NR1H4: variants seen among roughly 807,000 people sequenced by gnomAD.
NR1H4 encodes the protein bile acid receptor.
A neutral mutation model predicts 58.5 loss-of-function variants in NR1H4; 23 were observed. The observed-to-expected ratio is 0.39, with a 90% confidence interval of 0.28 to 0.56. The LOEUF is 0.56. NR1H4 is among the 20% of genes least tolerant of loss of function. NR1H4 has a pLI of 0.58. For synonymous variants in NR1H4, 214 were observed against 198.0 expected, an observed-to-expected ratio of 1.08 and a Z score of -0.68; for missense variants, 487 against 576.9, an observed-to-expected ratio of 0.84 and a Z score of 1.60.
intron 4 of NR1H4, chr12:100,525,093 G>A (rs1954523949): frequency 6.6e-6 from 1 of 152,182 alleles, no homozygotes; most frequent in African/African-American, 2.4e-5. Flanking sequence ...GAAACTTCTT[G>A]AGATATCTCC....
intron 1 of NR1H4, among the ~76,000 whole-genome samples, chr12:100,482,902 A>C (rs973138563): frequency 4.6e-5 from 7 of 151,998 alleles, no homozygotes; most frequent in African/African-American, 1.7e-4. Flanking sequence ...AAAGCTGTGG[A>C]TATCTAGTTG....
chr12:100,506,142 T>A (rs1953960326), intron 3 of NR1H4, among the ~76,000 whole-genome samples: 1 of 152,056 alleles, frequency 6.6e-6, no homozygotes, highest in Non-Finnish European at 1.5e-5. Flanking sequence ...GTGTTAATAA[T>A]TACTTATTAA....
intron 3 of NR1H4, among the ~76,000 whole-genome samples, chr12:100,494,401 A>G (rs1953667942): frequency 1.3e-5 from 2 of 152,232 alleles, no homozygotes; most frequent in African/African-American, 2.4e-5. Context: ...GGCAGTGACC[A>G]TATTTCATTA....
intron 8 of NR1H4, among the ~76,000 whole-genome samples, chr12:100,539,794 C>T (rs978704380): frequency 6.6e-6 from 1 of 152,076 alleles, no homozygotes; most frequent in Non-Finnish European, 1.5e-5. Flanking sequence ...AATATCATGT[C>T]GGGTGGTGAT....
chr12:100,535,165 A>C, intron 6 of NR1H4, 142 bp downstream of exon 6: 1 of 917,186 alleles, frequency 1.1e-6, no homozygotes, highest in South Asian at 1.4e-5. Context: ...TGGATTCCTA[A>C]TACATGCTTT....
At chr12:100,479,861 C>T (rs528383240) in intron 1 of NR1H4, among the ~76,000 whole-genome samples, 1 of 152,308 alleles carries the variant, frequency 6.6e-6, no homozygotes, top group East Asian at 1.9e-4. Flanking sequence ...TCTGCCTGAA[C>T]TTATTTTCCC....
intron 3 of NR1H4, chr12:100,499,800 T>C: frequency 2.2e-6 from 1 of 454,940 alleles, no homozygotes; most frequent in Non-Finnish European, 4.4e-6. Context: ...GAGTGCTTTA[T>C]AGAAATTAAT....
chr12:100,534,145 G>A (rs1476013210), intron 5 of NR1H4, among the ~76,000 whole-genome samples: 3 of 151,752 alleles, frequency 2.0e-5, no homozygotes, highest in Admixed American at 6.6e-5. Flanking sequence ...CACCCGCCTC[G>A]GCCTCCCAAA....
intron 2 of NR1H4, 41 bp from the exon 3 acceptor site, chr12:100,493,229 C>T (rs1953641090): frequency 2.8e-6 from 2 of 725,726 alleles, no homozygotes; most frequent in African/African-American, 3.5e-5. Context: ...ACCAACCCTT[C>T]CCGCATTCCC....
At chr12:100,486,772 C>G (rs1017918627) in intron 1 of NR1H4, among the ~76,000 whole-genome samples, 3 of 151,014 alleles carry the variant, frequency 2.0e-5, no homozygotes, top group African/African-American at 7.3e-5. Flanking sequence ...CACTATGAAC[C>G]AATGGGTGAG....
At chr12:100,518,462 T>G (rs955781908) in intron 4 of NR1H4, among the ~76,000 whole-genome samples, 1 of 152,172 alleles carries the variant, frequency 6.6e-6, no homozygotes, top group African/African-American at 2.4e-5. Flanking sequence ...ATTTTTCCAT[T>G]GATTTTGATT....
chr12:100,535,013 A>G lies in NR1H4; in HGVS notation c.722A>G (p.Lys241Arg). The change falls in exon 6 of 11, where the codon AAG becomes AGG. Residue 241 changes from lysine to arginine, a missense_variant. By Grantham distance (26) the Lys-to-Arg change is conservative. Transcript: ENST00000392986. The part of the protein sequence containing the change: ...RDLRQVTSTT[K>R]SCREKTELTP... Reference sequence around the variant, plus strand: ...TTGCGACAAGTGACCTCGACAACAAAGTCATGCAGGGTAATAATATGCAAT... The same window carrying G: ...TTGCGACAAGTGACCTCGACAACAAGGTCATGCAGGGTAATAATATGCAAT... 6.2e-7 allele frequency: 1 copy of G among 1,614,224 alleles called. No individual in the cohort carries two copies. The highest frequency in any genetic ancestry group is 8.5e-7 in the Non-Finnish European group (1 of 1,180,036).
intron 1 of NR1H4, among the ~76,000 whole-genome samples, chr12:100,480,001 T>C (rs1210350888): frequency 6.6e-6 from 1 of 152,262 alleles, no homozygotes; most frequent in East Asian, 1.9e-4. Context: ...TTTTACTTTC[T>C]TATTATCCTC....
At chr12:100,541,679 G>T (rs1457225475) in intron 9 of NR1H4, among the ~76,000 whole-genome samples, 2 of 150,966 alleles carry the variant, frequency 1.3e-5, no homozygotes, top group African/African-American at 4.9e-5. Flanking sequence ...TGGCTCACCA[G>T]TTTCCCCTGG....
At chr12:100,550,965 G>A (rs1038165866) in intron 9 of NR1H4, among the ~76,000 whole-genome samples, 1 of 152,112 alleles carries the variant, frequency 6.6e-6, no homozygotes, top group African/African-American at 2.4e-5. Flanking sequence ...ATGTAGAAAT[G>A]GGCTTAGAGA....
intron 4 of NR1H4, among the ~76,000 whole-genome samples, chr12:100,512,830 G>A (rs1954157184): frequency 6.6e-6 from 1 of 152,172 alleles, no homozygotes; most frequent in Non-Finnish European, 1.5e-5. Context: ...CGGATGGTGT[G>A]ACACACTGGG....
chr12:100,506,209 C>G (rs1012111671), intron 3 of NR1H4, among the ~76,000 whole-genome samples: 2 of 152,112 alleles, frequency 1.3e-5, no homozygotes, highest in Non-Finnish European at 2.9e-5. Flanking sequence ...GGAAACATGT[C>G]TTTTAATGAC....
intron 2 of NR1H4, 45 bp from the exon 3 acceptor site, chr12:100,493,225 C>T (rs774501447): frequency 1.4e-6 from 1 of 720,906 alleles, no homozygotes; most frequent in Non-Finnish European, 2.5e-6. Context: ...CCTAACCAAC[C>T]CTTCCCGCAT....
At chr12:100,486,970 G>C (rs936752389) in intron 1 of NR1H4, among the ~76,000 whole-genome samples, 1 of 152,110 alleles carries the variant, frequency 6.6e-6, no homozygotes. Flanking sequence ...TACATTCAAC[G>C]TATGAAGAAC....
Sources: allele counts gnomAD v4.1 joint callset (sites outside exome capture counted in the v4.1 genomes callset), GRCh38; gene constraint gnomAD v4.1.1; transcripts MANE v1.5; gene names NCBI Gene and HGNC (gene_info 2026-07-23, HGNC 2026-07-21).